The following DMBT1 variants were observed in gnomAD, a reference collection of about 807,000 sequenced individuals.
DMBT1 encodes scavenger receptor cysteine-rich domain-containing protein DMBT1.
Under a neutral mutation model 252.9 loss-of-function variants are expected in DMBT1, and 198 were observed. The observed-to-expected ratio is 0.78, with a 90% CI of 0.70 to 0.88. DMBT1 has a LOEUF of 0.88. Among genes scored for constraint, DMBT1 ranks in the 40% least tolerant of loss-of-function variants. DMBT1 has a pLI of 0.00. For synonymous variants in DMBT1, 990 were observed against 942.7 expected, an observed-to-expected ratio of 1.05 and a Z score of -0.92; for missense variants, 2,432 against 2,404.7, an observed-to-expected ratio of 1.01 and a Z score of -0.24.
intron 53 of DMBT1, 143 bp from the exon 54 acceptor site, chr10:122,636,985 G>A: frequency 4.2e-6 from 3 of 708,704 alleles, no homozygotes; most frequent in Admixed American, 5.6e-5. Flanking sequence ...TTGCAGTGAG[G>A]TCTATGCCCA....
chr10:122,577,901 C>T (rs2097727296), intron 8 of DMBT1, 61 bp downstream of exon 8: 2 of 1,574,828 alleles, frequency 1.3e-6, no homozygotes, highest in African/African-American at 1.3e-5. Context: ...TACCCCTTCC[C>T]TACTCCACAG....
rs1269354936 is a variant in DMBT1 at position 122,620,311 on chromosome 10, C to T, written c.5284+20C>T. 5 of 1,613,430 alleles carry T rather than the reference C, an allele frequency of 3.1e-6. No individual in the cohort carries two copies. Among genetic ancestry groups the T allele is most frequent in the Admixed American group, 1.7e-5 (1 of 60,018 alleles). Reference sequence around the variant, plus strand: ...CAGTAGGTAAATAATCCTCTCGCCCCTCCCTAGGGCTCACTCTCTACCTCT... The same window carrying T: ...CAGTAGGTAAATAATCCTCTCGCCCTTCCCTAGGGCTCACTCTCTACCTCT... On this transcript the variant is annotated intron_variant, in intron 43 of 55. Coordinates refer to ENST00000338354, the MANE Select transcript of DMBT1 (RefSeq NM_001377530.1).
intron 54 of DMBT1, 149 bp downstream of exon 54, chr10:122,637,461 G>A: frequency 2.1e-6 from 2 of 939,696 alleles, no homozygotes; most frequent in Non-Finnish European, 3.1e-6. Context: ...AAAACCTTTG[G>A]TGCTATGATA....
intron 19 of DMBT1, 145 bp downstream of exon 19, chr10:122,591,662 G>A: frequency 1.0e-6 from 1 of 978,500 alleles, no homozygotes; most frequent in Non-Finnish European, 1.5e-6. Context: ...TGAGTCTCTG[G>A]GGAACCAGTC....
At position 122,572,374 on chromosome 10, in the gene DMBT1, A is replaced by G. The variant is rs189945445; in HGVS notation, c.235+13A>G. Reference sequence around the variant, plus strand: ...ACCGTAGCAGAAGGTAACGTCTACTATGGGGGAGCTCTATGGGCTCATTAC... The same window carrying G: ...ACCGTAGCAGAAGGTAACGTCTACTGTGGGGGAGCTCTATGGGCTCATTAC... On this transcript the variant is annotated intron_variant, in intron 5 of 55. Transcript: ENST00000338354. The G allele has an allele frequency of 2.4e-5, 39 of 1,612,616 alleles. No individual in the cohort carries two copies. Among genetic ancestry groups the G allele is most frequent in the Non-Finnish European group, 3.1e-5 (36 of 1,178,834 alleles).
intron 43 of DMBT1, 121 bp from the exon 44 acceptor site, chr10:122,620,936 T>A: frequency 6.5e-7 from 1 of 1,530,308 alleles, no homozygotes; most frequent in East Asian, 2.3e-5. Flanking sequence ...GTATTCATAT[T>A]CAAAGGTGAT....
chr10:122,570,615 G>A (rs1052103416), intron 3 of DMBT1, among the ~76,000 whole-genome samples: 1 of 152,226 alleles, frequency 6.6e-6, no homozygotes, highest in African/African-American at 2.4e-5. Context: ...CTAGGATGGG[G>A]CTGTGAATAG....
chr10:122,579,838 C>G lies in DMBT1; in HGVS notation c.940C>G (p.Pro314Ala). The change falls in exon 10 of 56, where the codon CCC (proline) becomes GCC (alanine). Residue 314 changes from proline to alanine, a missense_variant. Transcript: ENST00000338354. ...SGHESYLWSCPHNGWLTHNCG... is the reference protein window; with the variant it reads ...SGHESYLWSCAHNGWLTHNCG... ...ACATGAGTCCTACCTGTGGAGCTGCCCCCACAATGGCTGGCTCACCCACAA... is the reference window on the plus strand; with the variant it reads ...ACATGAGTCCTACCTGTGGAGCTGCGCCCACAATGGCTGGCTCACCCACAA... 2 of 1,613,630 alleles carry G rather than the reference C, an allele frequency of 1.2e-6. No homozygotes were observed. The highest frequency in any genetic ancestry group is 1.7e-6 in the Non-Finnish European group (2 of 1,179,646).
intron 52 of DMBT1, among the ~76,000 whole-genome samples, chr10:122,634,413 C>G (rs374792573): frequency 1.4e-5 from 1 of 71,808 alleles, no homozygotes; most frequent in Non-Finnish European, 2.6e-5. Context: ...TTCTTTCTTT[C>G]TCTCTCTCTC....
chr10:122,632,182 C>T lies in DMBT1; in HGVS notation c.6367+307C>T, dbSNP rs113747081. Among the ~76,000 whole-genome samples, 226 of 152,212 alleles carry T rather than the reference C, an allele frequency of 1.5e-3. 1 individual carries two copies. Among genetic ancestry groups the T allele is most frequent in the African/African-American group, 5.2e-3 (215 of 41,530 alleles). On this transcript the variant is annotated intron_variant, in intron 50 of 55. Transcript: ENST00000338354. ...GTTGGCCAAATGGGGCCCACTGCAT[C>T]GCAGAGCTCCTCCCTGCCTGCCCCT... is the stretch of plus-strand genomic sequence containing the variant.
chr10:122,572,682 T>C (rs533379973), intron 5 of DMBT1, among the ~76,000 whole-genome samples: 65 of 147,226 alleles, frequency 4.4e-4, no homozygotes, highest in African/African-American at 1.4e-3. Flanking sequence ...TATCCTGAAG[T>C]TGGATGTGGT....
chr10:122,588,915 T>C (rs777593303), intron 16 of DMBT1, 29 bp from the exon 17 acceptor site: 2 of 1,586,660 alleles, frequency 1.3e-6, no homozygotes, highest in Admixed American at 1.7e-5. Flanking sequence ...TGATAGGGAT[T>C]GATGAAGGGT....
chr10:122,567,020 T>C (rs1199992942), intron 2 of DMBT1, among the ~76,000 whole-genome samples: 2 of 152,238 alleles, frequency 1.3e-5, no homozygotes, highest in African/African-American at 4.8e-5. Flanking sequence ...CCAGTGAGAA[T>C]GTGCAGAGAA....
chr10:122,578,282 G>A (rs75533825), intron 8 of DMBT1, among the ~76,000 whole-genome samples: 344 of 152,314 alleles, frequency 2.3e-3, no homozygotes, highest in African/African-American at 8.0e-3. Context: ...TTCAGAAGAG[G>A]CAGAGGCCAT....
chr10:122,573,718 C>T lies in DMBT1; in HGVS notation c.239C>T (p.Ser80Phe). 1.9e-6 allele frequency: 3 copies of T among 1,613,928 alleles called. No individual in the cohort carries two copies. Among genetic ancestry groups the T allele is most frequent in the Non-Finnish European group, 2.5e-6 (3 of 1,179,856 alleles). ...STLESTVAEG[S>F]LIPSESTLES... is the part of the protein sequence containing the mutation. ...TCTTCCTTTCTCCACCCTGCAGGTT[C>T]TCTGATTCCCTCAGAGTCAACCCTG... Residue 80 changes from serine (S) to phenylalanine (F), a missense_variant, in exon 6 of 56, where the codon TCT (serine) becomes TTT (phenylalanine). Ser to Phe is a radical substitution (Grantham distance 155). Coordinates refer to ENST00000338354, the MANE Select transcript of DMBT1 (RefSeq NM_001377530.1).
chr10:122,634,430 T>TTCTCTCTCTCTC (rs764559052), intron 52 of DMBT1, among the ~76,000 whole-genome samples: 33 of 74,228 alleles, frequency 4.4e-4, no homozygotes, highest in South Asian at 5.5e-4. Context: ...TCTCTCTCTC[T>TTCTCTCTCTCTC]TCTCTCTCTC....
intron 42 of DMBT1, 111 bp downstream of exon 42, chr10:122,619,448 T>G: frequency 7.0e-7 from 1 of 1,431,960 alleles, no homozygotes; most frequent in Non-Finnish European, 9.7e-7. Flanking sequence ...TGGGGCATAT[T>G]ATTTTTCCTC....
chr10:122,590,575 A>T, intron 17 of DMBT1, 90 bp from the exon 18 acceptor site: 1 of 1,449,682 alleles, frequency 6.9e-7, no homozygotes, highest in Admixed American at 1.7e-5. Context: ...GGGTGGACTG[A>T]AGGCGCTACC....
chr10:122,585,662 C>T (rs1425874973), intron 15 of DMBT1, among the ~76,000 whole-genome samples: 1 of 148,602 alleles, frequency 6.7e-6, no homozygotes, highest in African/African-American at 2.4e-5. Context: ...TGAGTGTCCC[C>T]ACACCTGTCT....
Sources: gnomAD v4.1 joint callset for allele counts (sites outside exome capture counted in the v4.1 genomes callset) on GRCh38, gnomAD v4.1.1 for gene constraint, MANE v1.5 for transcripts, NCBI Gene and HGNC (gene_info 2026-07-23, HGNC 2026-07-21) for gene names.